CHCHD6: variants seen among roughly 807,000 people sequenced by gnomAD.
CHCHD6 encodes MICOS complex subunit MIC25.
In CHCHD6, 28 loss-of-function variants were observed where a neutral mutation model predicts 32.3. The ratio of observed to expected loss-of-function variants is 0.87; its 90% confidence interval spans 0.64 to 1.19. CHCHD6 has a LOEUF of 1.19. Among genes scored for constraint, CHCHD6 ranks in the 50% most tolerant of loss-of-function variants. The probability of loss-of-function intolerance (pLI) is 0.00; values close to 1 mark genes in which losing one functional copy is unlikely to be tolerated. For synonymous variants in CHCHD6, 122 were observed against 117.5 expected (o/e 1.04, Z -0.25); for missense variants, 333 against 307.0 (o/e 1.08, Z -0.63).
At chr3:126,788,242 G>A (rs1252452564) in intron 4 of CHCHD6, among the ~76,000 whole-genome samples, 2 of 152,278 alleles carry the variant, frequency 1.3e-5, no homozygotes, top group South Asian at 2.1e-4. Flanking sequence ...TTTTATTGAG[G>A]ATTTTCGCAT....
At chr3:126,747,720 G>A (rs1936561296) in intron 4 of CHCHD6, among the ~76,000 whole-genome samples, 1 of 152,036 alleles carries the variant, frequency 6.6e-6, no homozygotes, top group Admixed American at 6.5e-5. Flanking sequence ...CTGCCCACAG[G>A]GTCTGTACTG....
intron 5 of CHCHD6, among the ~76,000 whole-genome samples, chr3:126,890,001 G>A (rs2077734254): frequency 6.6e-6 from 1 of 152,226 alleles, no homozygotes; most frequent in Admixed American, 6.5e-5. Flanking sequence ...GTCCAGGCCT[G>A]AGGCTGACCA....
chr3:126,908,488 G>A (rs1408205943), intron 5 of CHCHD6, among the ~76,000 whole-genome samples: 1 of 152,208 alleles, frequency 6.6e-6, no homozygotes, highest in Non-Finnish European at 1.5e-5. Context: ...TCTTAAGTGG[G>A]ATCATCTTGT....
intron 6 of CHCHD6, among the ~76,000 whole-genome samples, chr3:126,941,860 C>T (rs193207765): frequency 1.4e-4 from 21 of 152,350 alleles, no homozygotes; most frequent in Admixed American, 7.8e-4. Flanking sequence ...CCTCACACTG[C>T]TGCCGATGAG....
intron 2 of CHCHD6, among the ~76,000 whole-genome samples, chr3:126,727,972 AT>A (rs1023455299): frequency 2.0e-5 from 3 of 148,882 alleles, no homozygotes; most frequent in African/African-American, 7.4e-5. Flanking sequence ...CCGTAACTCA[AT>A]TAAAAAAAAA....
At chr3:126,958,943 G>A (rs186147360) in intron 7 of CHCHD6, among the ~76,000 whole-genome samples, 3 of 152,190 alleles carry the variant, frequency 2.0e-5, no homozygotes, top group Non-Finnish European at 2.9e-5. Flanking sequence ...CCGAGTCTCT[G>A]TTCATCACAC....
chr3:126,789,225 G>C (rs1420592094), intron 4 of CHCHD6, among the ~76,000 whole-genome samples: 4 of 152,186 alleles, frequency 2.6e-5, no homozygotes, highest in South Asian at 2.1e-4. Context: ...ATTTGCTGAG[G>C]AGTGCTTTAC....
intron 4 of CHCHD6, among the ~76,000 whole-genome samples, chr3:126,779,180 A>C (rs1937797411): frequency 2.0e-5 from 3 of 151,916 alleles, no homozygotes; most frequent in Admixed American, 1.3e-4. Flanking sequence ...TTTTATTGTC[A>C]CCTCTAGTAA....
At chr3:126,864,933 C>T (rs1167247564) in intron 5 of CHCHD6, among the ~76,000 whole-genome samples, 6 of 151,410 alleles carry the variant, frequency 4.0e-5, no homozygotes, top group Non-Finnish European at 7.4e-5. Context: ...CCACCATCAC[C>T]TCCTCCTCCA....
chr3:126,937,940 A>G (rs965192611), intron 6 of CHCHD6, among the ~76,000 whole-genome samples: 1 of 152,166 alleles, frequency 6.6e-6, no homozygotes, highest in Non-Finnish European at 1.5e-5. Flanking sequence ...GATCCTGAGA[A>G]TCCTGAGGGA....
chr3:126,953,029 A>G, intron 6 of CHCHD6: 1 of 985,456 alleles, frequency 1.0e-6, no homozygotes, highest in Non-Finnish European at 1.2e-6. Context: ...CTTCAGGGCC[A>G]CACTGCGTTA....
chr3:126,956,333 T>A (rs2078782739), intron 6 of CHCHD6, among the ~76,000 whole-genome samples: 1 of 152,224 alleles, frequency 6.6e-6, no homozygotes, highest in Non-Finnish European at 1.5e-5. Context: ...GGAAGGGTCC[T>A]GGCCTAAAAC....
chr3:126,746,110 G>T (rs1936490172), intron 4 of CHCHD6, among the ~76,000 whole-genome samples: 1 of 152,188 alleles, frequency 6.6e-6, no homozygotes, highest in Non-Finnish European at 1.5e-5. Flanking sequence ...GAGGTATGTG[G>T]CAAAGCCTTT....
chr3:126,750,962 T>C (rs1936697346), intron 4 of CHCHD6, among the ~76,000 whole-genome samples: 1 of 152,212 alleles, frequency 6.6e-6, no homozygotes, highest in South Asian at 2.1e-4. Flanking sequence ...TGCCCCGTGC[T>C]GACCCCAGCA....
At chr3:126,887,644 C>A (rs572285770) in intron 5 of CHCHD6, among the ~76,000 whole-genome samples, 8 of 152,156 alleles carry the variant, frequency 5.3e-5, no homozygotes, top group Admixed American at 5.2e-4. Context: ...CTATTCCCAT[C>A]GGCCTTCTGT....
At chr3:126,833,861 C>A (rs1263420907) in intron 4 of CHCHD6, among the ~76,000 whole-genome samples, 1 of 151,510 alleles carries the variant, frequency 6.6e-6, no homozygotes, top group Non-Finnish European at 1.5e-5. Flanking sequence ...CGAGACCATC[C>A]CGGCTAAAAC....
At chr3:126,923,124 A>G (rs893162688) in intron 6 of CHCHD6, among the ~76,000 whole-genome samples, 2 of 152,288 alleles carry the variant, frequency 1.3e-5, no homozygotes, top group East Asian at 3.9e-4. Flanking sequence ...CATCTCAGCC[A>G]TGTGGGGTTG....
intron 4 of CHCHD6, chr3:126,767,022 G>T: frequency 1.1e-6 from 1 of 876,864 alleles, no homozygotes; most frequent in Non-Finnish European, 1.9e-6. Context: ...GTACAGGCAG[G>T]ATCTGCCTCA....
At chr3:126,959,033 T>C (rs2078825511) in intron 7 of CHCHD6, among the ~76,000 whole-genome samples, 1 of 152,156 alleles carries the variant, frequency 6.6e-6, no homozygotes, top group Non-Finnish European at 1.5e-5. Flanking sequence ...AGCCCTAGAC[T>C]CCATCCTCTC....
Sources: allele counts gnomAD v4.1 joint callset (sites outside exome capture counted in the v4.1 genomes callset), GRCh38; gene constraint gnomAD v4.1.1; transcripts MANE v1.5; gene names NCBI Gene and HGNC (gene_info 2026-07-23, HGNC 2026-07-21).